The following KMT2E variants were observed in gnomAD, a reference collection of about 807,000 sequenced individuals.
The protein encoded by KMT2E is histone reader KMT2E.
KMT2E carries 30 observed loss-of-function variants against 184.6 expected under a neutral mutation model. That is an observed-to-expected ratio of 0.16 (90% confidence interval 0.12 to 0.22). The LOEUF (loss-of-function observed/expected upper bound fraction) is 0.22, where lower values mean the gene tolerates loss of function less well. KMT2E is among the 10% of genes least tolerant of loss of function. KMT2E has a pLI of 1.00. For synonymous variants in KMT2E, 815 were observed against 776.5 expected (o/e 1.05, Z -0.82); for missense variants, 2,023 against 2,237.4 (o/e 0.90, Z 1.93).
In KMT2E at chr7:105,110,823, A is replaced by G; in HGVS notation, c.4023A>G (p.Pro1341=). The change falls in exon 26 of 27, where the codon CCA becomes CCG. Residue 1341 remains proline, a synonymous_variant. Transcript: ENST00000311117. ...CAACTACGAATGAATGTCCATCCCC[A>G]GATACTTCTCAAAATACTTGTAAAA... ...EPTTTNECPS[P]DTSQNTCKSP... The G allele has an allele frequency of 6.2e-7, 1 of 1,614,098 alleles. No homozygotes were observed. The highest frequency in any genetic ancestry group is 1.1e-5 in the South Asian group (1 of 91,086).
chr7:105,092,096 AC>A (rs1339050718), intron 15 of KMT2E, among the ~76,000 whole-genome samples: 1 of 152,118 alleles, frequency 6.6e-6, no homozygotes, highest in Non-Finnish European at 1.5e-5. Context: ...ATGGACTCTC[AC>A]GTCACATATT....
At position 105,112,946 on chromosome 7, in the gene KMT2E, GCAT is replaced by G; in HGVS notation, c.5194_5196del (p.His1732del). 6.2e-7 allele frequency: 1 copy of G among 1,613,772 alleles called. No individual in the cohort carries two copies. Among genetic ancestry groups the G allele is most frequent in the South Asian group, 1.1e-5 (1 of 91,038 alleles). ...CACCTTCCAGTGTTTTGGCTTCTGG[GCAT>G]CATACCACATCAGCTCAAGCCTTAC... is the stretch of plus-strand genomic sequence containing the variant. On this transcript the variant is annotated inframe_deletion, in exon 27 of 27. Transcript: ENST00000311117.
At chr7:105,076,120 A>T (rs767915987) in intron 9 of KMT2E, 39 bp downstream of exon 9, 1 of 1,396,814 alleles carries the variant, frequency 7.2e-7, no homozygotes, top group Admixed American at 1.7e-5. Context: ...ATCAACTGTC[A>T]TTTATTCAGG....
chr7:105,079,729 T>C (rs982877673), intron 12 of KMT2E, among the ~76,000 whole-genome samples: 1 of 151,478 alleles, frequency 6.6e-6, no homozygotes, highest in Non-Finnish European at 1.5e-5. Context: ...CTCATTTTGC[T>C]GCCCAGGCTG....
chr7:105,110,890 TGG>T, intron 26 of KMT2E, 22 bp downstream of exon 26: 1 of 1,550,276 alleles, frequency 6.5e-7, no homozygotes, highest in South Asian at 1.1e-5. Context: ...GACCTTTCGA[TGG>T]GTTCCAAAGG....
intron 3 of KMT2E, among the ~76,000 whole-genome samples, chr7:105,045,925 C>G (rs1032873100): frequency 9.9e-5 from 15 of 152,068 alleles, no homozygotes; most frequent in Admixed American, 4.6e-4. Context: ...TTAAATGTTT[C>G]TTCTTTTTCT....
In KMT2E at chr7:105,112,804, C is replaced by CTCCTGG. The variant is rs767136066; in HGVS notation, c.5054_5059dup (p.Gly1685_Pro1686dup). 5 of 1,600,632 alleles carry CTCCTGG rather than the reference C, an allele frequency of 3.1e-6. No homozygotes were observed. In the Admixed American group the frequency reaches 8.5e-5, roughly 27 times the overall value. On this transcript the variant is annotated inframe_insertion, in exon 27 of 27. Coordinates refer to ENST00000311117, the MANE Select transcript of KMT2E (RefSeq NM_182931.3). The stretch of plus-strand genomic sequence containing the variant: ...CACCACTTACCCCCACCCCCACCCC[C>CTCCTGG]TCCTGGTCCTGCCCCTCATCACCAT...
In KMT2E at chr7:105,105,607, C is replaced by T. The variant is rs996343676; in HGVS notation, c.2365C>T (p.His789Tyr). Residue 789 changes from histidine (H) to tyrosine (Y), a missense_variant, in exon 18 of 27, where the codon CAT becomes TAT. Transcript: ENST00000311117. ...YSPHVYSTPK[H>Y]YIRFTSPFLS... ...CCCCCATGTATACTCCACTCCTAAG[C>T]ATTATATTAGATTTACTTCACCATT... The T allele has an allele frequency of 6.2e-7, 1 of 1,613,166 alleles. No homozygotes were observed. The highest frequency in any genetic ancestry group is 8.5e-7 in the Non-Finnish European group (1 of 1,179,358).
chr7:105,039,222 T>G (rs1795786809), intron 2 of KMT2E: 1 of 152,270 alleles, frequency 6.6e-6, no homozygotes, highest in African/African-American at 2.4e-5. Context: ...GAAGTCATTG[T>G]CTGAAGGAAG....
chr7:105,016,092 A>G (rs1794706625), intron 1 of KMT2E, among the ~76,000 whole-genome samples: 1 of 152,244 alleles, frequency 6.6e-6, no homozygotes, highest in African/African-American at 2.4e-5. Flanking sequence ...TCTATTTTAT[A>G]TGATTAAATG....
chr7:105,105,223 T>A, intron 17 of KMT2E: 1 of 411,270 alleles, frequency 2.4e-6, no homozygotes, highest in Admixed American at 4.3e-5. Context: ...AACCATATGT[T>A]TTGTTCTACA....
At chr7:105,022,655 C>A (rs1444853422) in intron 1 of KMT2E, among the ~76,000 whole-genome samples, 2 of 152,054 alleles carry the variant, frequency 1.3e-5, no homozygotes, top group Non-Finnish European at 2.9e-5. Flanking sequence ...CAAGATGTAG[C>A]GTCTGTTGAT....
chr7:105,101,684 CTA>C, intron 16 of KMT2E, 95 bp downstream of exon 16: 5 of 1,124,432 alleles, frequency 4.4e-6, no homozygotes, highest in Non-Finnish European at 6.0e-6. Flanking sequence ...AAAATAATGT[CTA>C]TTAGCTTTTT....
intron 15 of KMT2E, 135 bp downstream of exon 15, chr7:105,091,449 T>C (rs759900080): frequency 8.7e-6 from 6 of 687,384 alleles, no homozygotes; most frequent in South Asian, 6.5e-5. Context: ...TTTATTTGGT[T>C]TGGTCATTGC....
At chr7:105,085,100 T>C (rs1797911577) in intron 13 of KMT2E, among the ~76,000 whole-genome samples, 1 of 152,196 alleles carries the variant, frequency 6.6e-6, no homozygotes, top group African/African-American at 2.4e-5. Context: ...ATTGTTGCAA[T>C]TGTTGCAAAT....
intron 23 of KMT2E, among the ~76,000 whole-genome samples, chr7:105,109,604 G>C (rs1394373567): frequency 1.3e-5 from 2 of 152,152 alleles, no homozygotes; most frequent in Admixed American, 6.5e-5. Flanking sequence ...ATGGCAGGCA[G>C]CCACACTCAC....
intron 1 of KMT2E, among the ~76,000 whole-genome samples, chr7:105,015,159 C>T (rs946381864): frequency 6.6e-6 from 1 of 152,162 alleles, no homozygotes; most frequent in African/African-American, 2.4e-5. Flanking sequence ...GTCTCCTCCC[C>T]CACTCCTTTT....
chr7:105,109,181 T>A lies in KMT2E; in HGVS notation c.3708T>A (p.Pro1236=). Reference sequence around the variant, plus strand: ...CTGAAGAAACTAGCAATAACTGCCCTGTTAAGGATGCTACTGCTAGTGAGA... The same window carrying A: ...CTGAAGAAACTAGCAATAACTGCCCAGTTAAGGATGCTACTGCTAGTGAGA... The part of the protein sequence containing the change: ...ATSEETSNNC[P]VKDATASEKN... Residue 1236 remains proline, a synonymous_variant, in exon 23 of 27, where the codon CCT becomes CCA. Transcript: ENST00000311117. 1 of 1,614,124 alleles carries A rather than the reference T, an allele frequency of 6.2e-7. No individual in the cohort carries two copies. Among genetic ancestry groups the A allele is most frequent in the Non-Finnish European group, 8.5e-7 (1 of 1,180,004 alleles).
intron 1 of KMT2E, among the ~76,000 whole-genome samples, chr7:105,028,111 T>C (rs1795245372): frequency 6.6e-6 from 1 of 151,944 alleles, no homozygotes; most frequent in Non-Finnish European, 1.5e-5. Flanking sequence ...TATCGTACTC[T>C]GAGCAAAAAG....
Sources: allele counts gnomAD v4.1 joint callset (sites outside exome capture counted in the v4.1 genomes callset), GRCh38; gene constraint gnomAD v4.1.1; transcripts MANE v1.5; gene names NCBI Gene and HGNC (gene_info 2026-07-23, HGNC 2026-07-21).